PID1: variants seen among roughly 807,000 people sequenced by gnomAD.
The protein encoded by PID1 is PTB-containing, cubilin and LRP1-interacting protein.
A neutral mutation model predicts 19.1 loss-of-function variants in PID1; 10 were observed. That is an observed-to-expected ratio of 0.52 (90% CI 0.32 to 0.89). The LOEUF (loss-of-function observed/expected upper bound fraction) is 0.89. Ranked by LOEUF, PID1 falls within the 40% of genes least tolerant of loss-of-function variation. The pLI is 0.03. For synonymous variants in PID1, 130 were observed against 116.0 expected (o/e 1.12, Z -0.78); for missense variants, 248 against 285.3 (o/e 0.87, Z 0.94).
Position 229,189,258 on chromosome 2 carries a change from C to T in PID1, c.31-33294G>A, listed in dbSNP as rs569385560. Among the ~76,000 whole-genome samples, 116 of 152,316 alleles carry T rather than the reference C, an allele frequency of 7.6e-4. 1 individual carries two copies. Among genetic ancestry groups the T allele is most frequent in the African/African-American group, 2.6e-3 (110 of 41,578 alleles). On this transcript the variant is annotated intron_variant, in intron 1 of 2. Coordinates refer to ENST00000392055, the MANE Select transcript of PID1 (RefSeq NM_001100818.2). ...TGGAGCTGCACCCAACCCTAAGTCA[C>T]GCAGAATCAATTTACACACTACCTG...
At chr2:229,220,355 A>G (rs562509268) in intron 1 of PID1, among the ~76,000 whole-genome samples, 23 of 152,240 alleles carry the variant, frequency 1.5e-4, no homozygotes, top group African/African-American at 5.5e-4. Context: ...GGGCATCCTT[A>G]CTGCACAAAC....
chr2:229,271,176 C>T lies in PID1; in HGVS notation c.-133G>A, dbSNP rs1283909236. On this transcript the variant is annotated 5_prime_UTR_variant, in exon 1 of 3. Coordinates refer to ENST00000392055, the MANE Select transcript of PID1 (RefSeq NM_001100818.2). Reference sequence around the variant, plus strand: ...TGTGCGTCCTGGCGCTGGCCACCGCCGCCGGGTGGGCGTAGGGGGCTGCGA... The same window carrying T: ...TGTGCGTCCTGGCGCTGGCCACCGCTGCCGGGTGGGCGTAGGGGGCTGCGA... The T allele has an allele frequency of 2.0e-6, 2 of 1,016,744 alleles. No homozygotes were observed. The highest frequency in any genetic ancestry group is 2.6e-5 in the Admixed American group (1 of 39,200). The allele number at this position is 1,016,744 out of a possible 1,614,324, so 63.0% of individuals were successfully genotyped here. A position where few individuals can be genotyped will look rare whatever the true frequency, so the allele number is the denominator to read the frequency against.
intron 2 of PID1, among the ~76,000 whole-genome samples, chr2:229,123,476 C>T (rs1330554744): frequency 1.3e-5 from 2 of 152,176 alleles, no homozygotes; most frequent in Admixed American, 6.5e-5. Flanking sequence ...AATAATGTTA[C>T]TATGAACATT....
intron 2 of PID1, among the ~76,000 whole-genome samples, chr2:229,087,854 A>T (rs1694799821): frequency 6.6e-6 from 1 of 152,174 alleles, no homozygotes; most frequent in African/African-American, 2.4e-5. Context: ...CAATTCCACC[A>T]ATCAAGTATG....
intron 1 of PID1, among the ~76,000 whole-genome samples, chr2:229,182,772 C>A (rs1447215452): frequency 2.6e-5 from 4 of 152,188 alleles, no homozygotes; most frequent in African/African-American, 9.7e-5. Context: ...ACTTTCTGAT[C>A]AAGTTGTGGA....
At chr2:229,080,518 C>T (rs968391081) in intron 2 of PID1, among the ~76,000 whole-genome samples, 1 of 152,142 alleles carries the variant, frequency 6.6e-6, no homozygotes, top group Admixed American at 6.5e-5. Context: ...TTTTCCTAAC[C>T]CTCCAGGTGA....
chr2:229,165,347 C>A (rs1690576344), intron 1 of PID1, among the ~76,000 whole-genome samples: 2 of 152,132 alleles, frequency 1.3e-5, no homozygotes, highest in South Asian at 4.1e-4. Flanking sequence ...TGCCTGTAAA[C>A]CCAGCACTTT....
At chr2:229,181,315 G>A (rs1034238095) in intron 1 of PID1, among the ~76,000 whole-genome samples, 2 of 151,724 alleles carry the variant, frequency 1.3e-5, no homozygotes, top group Non-Finnish European at 2.9e-5. Flanking sequence ...TTGTATTTGA[G>A]AACCAGCAAG....
intron 1 of PID1, chr2:229,231,927 G>A (rs771130057): frequency 3.2e-5 from 49 of 1,550,228 alleles, no homozygotes; most frequent in African/African-American, 2.2e-4. Context: ...TTTTCTCACC[G>A]TTCCGGAGGC....
intron 2 of PID1, among the ~76,000 whole-genome samples, chr2:229,053,113 A>T (rs1694028220): frequency 6.6e-6 from 1 of 152,208 alleles, no homozygotes; most frequent in African/African-American, 2.4e-5. Flanking sequence ...TAGAAGGCAG[A>T]TTTCTATCAA....
At chr2:229,266,016 T>C (rs1409156534) in intron 1 of PID1, among the ~76,000 whole-genome samples, 1 of 152,190 alleles carries the variant, frequency 6.6e-6, no homozygotes, top group Non-Finnish European at 1.5e-5. Context: ...GCTGACAAAC[T>C]TGGAGAAAGA....
chr2:229,048,339 C>G (rs114185368), intron 2 of PID1, among the ~76,000 whole-genome samples: 3 of 152,166 alleles, frequency 2.0e-5, no homozygotes, highest in Non-Finnish European at 4.4e-5. Flanking sequence ...CTGCAGCCCT[C>G]ACTCCCTAAA....
intron 1 of PID1, among the ~76,000 whole-genome samples, chr2:229,197,589 G>A (rs558014186): frequency 6.6e-6 from 1 of 151,972 alleles, no homozygotes; most frequent in Non-Finnish European, 1.5e-5. Context: ...CGCTTCAAAT[G>A]CAGCATAATT....
At chr2:229,057,858 A>C (rs1403553761) in intron 2 of PID1, among the ~76,000 whole-genome samples, 1 of 152,234 alleles carries the variant, frequency 6.6e-6, no homozygotes, top group Non-Finnish European at 1.5e-5. Context: ...CTACCTCCAC[A>C]TTCCTTAAAA....
intron 1 of PID1, among the ~76,000 whole-genome samples, chr2:229,190,320 A>G (rs1439302928): frequency 1.3e-5 from 2 of 152,226 alleles, no homozygotes; most frequent in Admixed American, 6.5e-5. Flanking sequence ...GTATTATGCA[A>G]ATGATAGAGT....
chr2:229,235,930 G>A (rs1692318139), intron 1 of PID1, among the ~76,000 whole-genome samples: 1 of 152,168 alleles, frequency 6.6e-6, no homozygotes, highest in Non-Finnish European at 1.5e-5. Context: ...AAAGCAGCTT[G>A]TGGCAAAGTT....
chr2:229,210,174 G>A (rs2106248403), intron 1 of PID1, among the ~76,000 whole-genome samples: 1 of 151,556 alleles, frequency 6.6e-6, no homozygotes, highest in South Asian at 2.1e-4. Flanking sequence ...TGTAAAGGAG[G>A]GGGAGGATCC....
chr2:229,177,250 G>A (rs1690843097), intron 1 of PID1, among the ~76,000 whole-genome samples: 1 of 152,148 alleles, frequency 6.6e-6, no homozygotes, highest in African/African-American at 2.4e-5. Flanking sequence ...TAGGGACACA[G>A]CCAACCATAT....
chr2:229,186,863 A>G (rs1411387253), intron 1 of PID1, among the ~76,000 whole-genome samples: 1 of 152,144 alleles, frequency 6.6e-6, no homozygotes, highest in Non-Finnish European at 1.5e-5. Flanking sequence ...CCAAACTTTT[A>G]TGCTCTGTTT....
Sources: allele counts gnomAD v4.1 joint callset (sites outside exome capture counted in the v4.1 genomes callset), GRCh38; gene constraint gnomAD v4.1.1; transcripts MANE v1.5; gene names NCBI Gene and HGNC (gene_info 2026-07-23, HGNC 2026-07-21).